The following RBFOX1 variants were observed in gnomAD, a reference collection of about 807,000 sequenced individuals.
RBFOX1 encodes RNA binding fox-1 homolog 1, also known as RNA binding protein fox-1 homolog 1.
Under a neutral mutation model 57.7 loss-of-function variants are expected in RBFOX1, and 8 were observed. That is an observed-to-expected ratio of 0.14 (90% CI 0.08 to 0.25). The LOEUF (loss-of-function observed/expected upper bound fraction) is 0.25, where lower values mean the gene tolerates loss of function less well. RBFOX1 is among the 10% of genes least tolerant of loss of function. The probability of loss-of-function intolerance (pLI) is 1.00; values close to 1 mark genes in which losing one functional copy is unlikely to be tolerated. For missense variants in RBFOX1, 611 were observed against 548.5 expected (o/e 1.11, Z -1.14); for synonymous variants, 326 against 222.4 (o/e 1.47, Z -4.15).
At chr16:5,734,751 C>G (rs1326417770) in intron 3 of RBFOX1, among the ~76,000 whole-genome samples, 1 of 152,106 alleles carries the variant, frequency 6.6e-6, no homozygotes, top group Non-Finnish European at 1.5e-5. Context: ...GAGCTCATTC[C>G]CTGTAGGCTA....
chr16:7,455,319 C>G (rs915184787), intron 4 of RBFOX1, among the ~76,000 whole-genome samples: 47 of 152,170 alleles, frequency 3.1e-4, no homozygotes, highest in African/African-American at 1.1e-3. Context: ...TTTCAGCAGC[C>G]TCATTCTTTC....
intron 2 of RBFOX1, among the ~76,000 whole-genome samples, chr16:5,508,962 A>G (rs2043479123): frequency 6.6e-6 from 1 of 152,104 alleles, no homozygotes; most frequent in Non-Finnish European, 1.5e-5. Flanking sequence ...CACTCATCTC[A>G]AGCAGTGGAT....
intron 1 of RBFOX1, among the ~76,000 whole-genome samples, chr16:6,298,953 GTA>G (rs1470702242): frequency 3.3e-5 from 5 of 152,242 alleles, no homozygotes; most frequent in Admixed American, 2.6e-4. Flanking sequence ...GTAGGCACTG[GTA>G]TTCATTGGTG....
rs542819155 is a variant in RBFOX1 at position 7,317,237 on chromosome 16, C to T, written c.28-200910C>T. Among the ~76,000 whole-genome samples, 13 of 152,168 alleles carry T rather than the reference C, an allele frequency of 8.5e-5. No individual in the cohort carries two copies. The East Asian group carries it at 1.7e-3, about 20-fold the overall frequency. On this transcript the variant is annotated intron_variant, in intron 4 of 15. Transcript: ENST00000550418. ...GAAAATCAAGCCTGAGATTCATCCC[C>T]GAAGCTGATGTTCAGCCAGAAGAGA...
chr16:7,270,316 T>C (rs1362309836), intron 4 of RBFOX1, among the ~76,000 whole-genome samples: 1 of 152,244 alleles, frequency 6.6e-6, no homozygotes, highest in Non-Finnish European at 1.5e-5. Context: ...GTCTGGTTTT[T>C]ATGAAAAACC....
chr16:5,418,462 G>C (rs1053927363), intron 1 of RBFOX1, among the ~76,000 whole-genome samples: 1 of 152,176 alleles, frequency 6.6e-6, no homozygotes, highest in Non-Finnish European at 1.5e-5. Context: ...CGCCAGGAAA[G>C]ACCAAATTAT....
intron 1 of RBFOX1, among the ~76,000 whole-genome samples, chr16:6,290,113 G>T (rs62016194): frequency 0.076 from 11,528 of 151,568 alleles, 517 homozygotes; most frequent in African/African-American, 0.14. Context: ...GGGGTATGTA[G>T]CTTGGATCGT....
chr16:5,272,272 G>A (rs2063030782), intron 1 of RBFOX1, among the ~76,000 whole-genome samples: 1 of 152,160 alleles, frequency 6.6e-6, no homozygotes, highest in South Asian at 2.1e-4. Flanking sequence ...ATGTTAATTA[G>A]TTTGATCTAA....
intron 3 of RBFOX1, among the ~76,000 whole-genome samples, chr16:6,893,214 G>A (rs924358650): frequency 1.3e-5 from 2 of 152,112 alleles, no homozygotes; most frequent in Non-Finnish European, 2.9e-5. Context: ...AAGCTCACAG[G>A]GAAGCAGAGA....
chr16:7,290,105 C>G (rs1045192158), intron 4 of RBFOX1, among the ~76,000 whole-genome samples: 4 of 152,046 alleles, frequency 2.6e-5, no homozygotes. Context: ...CCGGTAGAAA[C>G]CATTTTAGAA....
At chr16:6,303,329 A>G (rs553953137) in intron 1 of RBFOX1, among the ~76,000 whole-genome samples, 1 of 143,074 alleles carries the variant, frequency 7.0e-6, no homozygotes, top group Admixed American at 7.2e-5. Context: ...GTACGTATTA[A>G]ATAGATTTTT....
At chr16:7,667,002 G>A (rs1201453130) in intron 13 of RBFOX1, among the ~76,000 whole-genome samples, 2 of 152,108 alleles carry the variant, frequency 1.3e-5, no homozygotes, top group Non-Finnish European at 2.9e-5. Context: ...TTCAGGCCAC[G>A]ACCCCCAGCC....
chr16:5,905,064 C>CTT (rs57349384), intron 4 of RBFOX1, among the ~76,000 whole-genome samples: 9,336 of 78,472 alleles, frequency 0.12, 1,062 homozygotes, highest in Non-Finnish European at 0.16. Flanking sequence ...ATGACTGGTG[C>CTT]TTTTTTTTTT....
chr16:7,704,397 C>G (rs778713103), intron 14 of RBFOX1, among the ~76,000 whole-genome samples: 7 of 152,170 alleles, frequency 4.6e-5, no homozygotes, highest in Non-Finnish European at 1.0e-4. Context: ...AAAGTGTACA[C>G]TATTTCTAGA....
intron 3 of RBFOX1, among the ~76,000 whole-genome samples, chr16:7,040,417 T>A (rs928073748): frequency 6.6e-5 from 10 of 152,194 alleles, no homozygotes; most frequent in Non-Finnish European, 1.2e-4. Flanking sequence ...ATTATTACAA[T>A]AACCATATAA....
chr16:6,969,351 C>A (rs1009330089), intron 3 of RBFOX1, among the ~76,000 whole-genome samples: 1 of 152,102 alleles, frequency 6.6e-6, no homozygotes, highest in East Asian at 1.9e-4. Flanking sequence ...CAGTGTCATG[C>A]AGTGATTCCA....
At chr16:7,418,526 C>T (rs942429391) in intron 4 of RBFOX1, among the ~76,000 whole-genome samples, 15 of 152,164 alleles carry the variant, frequency 9.9e-5, no homozygotes, top group African/African-American at 3.6e-4. Flanking sequence ...TTCCTGATGG[C>T]TTATCTGATG....
At chr16:6,815,796 T>C (rs1426678451) in intron 3 of RBFOX1, among the ~76,000 whole-genome samples, 2 of 152,190 alleles carry the variant, frequency 1.3e-5, no homozygotes, top group Non-Finnish European at 2.9e-5. Context: ...AACTACCTAA[T>C]AGTTTGCTCT....
At chr16:5,318,027 C>G (rs774136075) in intron 1 of RBFOX1, among the ~76,000 whole-genome samples, 23 of 152,144 alleles carry the variant, frequency 1.5e-4, no homozygotes, top group Non-Finnish European at 2.6e-4. Flanking sequence ...AGGAAGGGAG[C>G]TGTGGGCCTT....
Sources: gnomAD v4.1 joint callset for allele counts (sites outside exome capture counted in the v4.1 genomes callset) on GRCh38, gnomAD v4.1.1 for gene constraint, MANE v1.5 for transcripts, NCBI Gene and HGNC (gene_info 2026-07-23, HGNC 2026-07-21) for gene names.